Variants in RELN observed in about 807,000 individuals in gnomAD.
RELN encodes reelin.
Under a neutral mutation model 427.6 loss-of-function variants are expected in RELN, and 108 were observed. That is an observed-to-expected ratio of 0.25 (90% CI 0.22 to 0.30). The LOEUF (loss-of-function observed/expected upper bound fraction) is 0.30. RELN is among the 10% of genes least tolerant of loss of function. The pLI is 1.00. For missense variants in RELN, 3,715 were observed against 4,302.8 expected, an observed-to-expected ratio of 0.86 and a Z score of 3.82; for synonymous variants, 1,524 against 1,513.4, an observed-to-expected ratio of 1.01 and a Z score of -0.16.
At chr7:103,978,046 A>G (rs913895036) in intron 1 of RELN, among the ~76,000 whole-genome samples, 1 of 152,192 alleles carries the variant, frequency 6.6e-6, no homozygotes, top group Non-Finnish European at 1.5e-5. Context: ...TTTTTACCCA[A>G]TGAAAACATC....
At chr7:103,891,108 A>G (rs553543402) in intron 2 of RELN, among the ~76,000 whole-genome samples, 2 of 152,196 alleles carry the variant, frequency 1.3e-5, no homozygotes, top group East Asian at 3.9e-4. Context: ...ACAAAAAACA[A>G]AAAGAAAGTG....
At chr7:103,597,473 C>T (rs1419587292) in intron 24 of RELN, among the ~76,000 whole-genome samples, 2 of 152,120 alleles carry the variant, frequency 1.3e-5, no homozygotes, top group Admixed American at 1.3e-4. Flanking sequence ...TATGGTGGCA[C>T]ACACCTGTAA....
chr7:103,781,356 T>C (rs1382552636), intron 3 of RELN, among the ~76,000 whole-genome samples: 1 of 152,138 alleles, frequency 6.6e-6, no homozygotes, highest in Non-Finnish European at 1.5e-5. Context: ...TATATAAATA[T>C]ATATTATATA....
chr7:103,917,129 A>T lies in RELN; in HGVS notation c.283T>A (p.Ser95Thr). 6.2e-7 allele frequency: 1 copy of T among 1,613,600 alleles called. No homozygotes were observed. The highest frequency in any genetic ancestry group is 8.5e-7 in the Non-Finnish European group (1 of 1,179,712). ...CTCTGTGATGCCTGAACACTTGTAG[A>T]TGTGTATAGTCCTGTCACCAGCAAG... Reference protein sequence around the residue: ...DGLLVTGLYTSTSVQASQSIG... With the variant: ...DGLLVTGLYTTTSVQASQSIG... Residue 95 changes from serine (S) to threonine (T), a missense_variant, in exon 2 of 65, where the codon TCT becomes ACT. Ser to Thr is a moderately conservative substitution (Grantham distance 58). This residue lies in a region of RELN where 2,208 missense variants were observed against 2,361.7 expected (regional missense o/e 0.93). Coordinates refer to ENST00000428762, the MANE Select transcript of RELN (RefSeq NM_005045.4).
intron 24 of RELN, among the ~76,000 whole-genome samples, chr7:103,598,516 A>C (rs1831591916): frequency 6.6e-6 from 1 of 152,198 alleles, no homozygotes; most frequent in Admixed American, 6.5e-5. Context: ...CCAGAAGGAT[A>C]AAGATCTAAG....
intron 49 of RELN, among the ~76,000 whole-genome samples, chr7:103,518,697 C>T (rs1044881949): frequency 9.9e-5 from 15 of 151,586 alleles, no homozygotes; most frequent in African/African-American, 3.6e-4. Flanking sequence ...TGGACCCTGC[C>T]TTTCTCTCTC....
intron 2 of RELN, among the ~76,000 whole-genome samples, chr7:103,878,754 T>C (rs1794541502): frequency 1.3e-5 from 2 of 152,240 alleles, no homozygotes; most frequent in East Asian, 1.9e-4. Flanking sequence ...ATTTATTTCC[T>C]TGTCTTCAAG....
intron 3 of RELN, among the ~76,000 whole-genome samples, chr7:103,826,474 A>C (rs1052252891): frequency 6.6e-6 from 1 of 152,070 alleles, no homozygotes; most frequent in Non-Finnish European, 1.5e-5. Flanking sequence ...TAAGGCCTTA[A>C]TATACAGAGA....
Position 103,986,031 on chromosome 7 carries a change from A to G in RELN, c.226+3100T>C, listed in dbSNP as rs141161811. Among the ~76,000 whole-genome samples, 4 of 152,264 alleles carry G rather than the reference A, an allele frequency of 2.6e-5. 1 individual carries two copies. In the East Asian group the frequency reaches 7.7e-4, roughly 29 times the overall value. On this transcript the variant is annotated intron_variant, in intron 1 of 64. Coordinates refer to ENST00000428762, the MANE Select transcript of RELN (RefSeq NM_005045.4). ...GAAACGCACATTGCGGAAACTGACC[A>G]TGTCTTAGGATTTGTGCAAAAAAAA...
At chr7:103,850,440 C>A (rs1300979060) in intron 2 of RELN, among the ~76,000 whole-genome samples, 1 of 152,186 alleles carries the variant, frequency 6.6e-6, no homozygotes, top group Non-Finnish European at 1.5e-5. Context: ...AGCAGAAAAG[C>A]CCTGGGAGCT....
chr7:103,483,509 T>TG (rs1372609146), intron 62 of RELN, 144 bp downstream of exon 62: 1 of 845,042 alleles, frequency 1.2e-6, no homozygotes, highest in African/African-American at 1.7e-5. Context: ...TTTGGAGATC[T>TG]GGGTTAGTCT....
chr7:103,787,533 C>A (rs1792048723), intron 3 of RELN, among the ~76,000 whole-genome samples: 1 of 152,056 alleles, frequency 6.6e-6, no homozygotes, highest in African/African-American at 2.4e-5. Flanking sequence ...ATACAAACTA[C>A]CATCAGAGAA....
chr7:103,724,527 G>C (rs1278195757), intron 7 of RELN, among the ~76,000 whole-genome samples: 1 of 152,194 alleles, frequency 6.6e-6, no homozygotes. Flanking sequence ...AAGAGTCTTA[G>C]ATACTTATCC....
At chr7:103,892,592 T>C (rs1259313750) in intron 2 of RELN, among the ~76,000 whole-genome samples, 4 of 152,192 alleles carry the variant, frequency 2.6e-5, no homozygotes, top group African/African-American at 9.6e-5. Context: ...CTGTTCAGAT[T>C]TATTTTGGAG....
chr7:103,869,441 C>T (rs1794276043), intron 2 of RELN, among the ~76,000 whole-genome samples: 3 of 151,942 alleles, frequency 2.0e-5, no homozygotes, highest in Admixed American at 2.0e-4. Flanking sequence ...CCCTGTTGTA[C>T]AAATCTAATG....
chr7:103,483,623 A>T (rs1828318677), intron 62 of RELN, 30 bp downstream of exon 62: 1 of 1,604,002 alleles, frequency 6.2e-7, no homozygotes, highest in African/African-American at 1.3e-5. Context: ...ATTGTGCATG[A>T]GACCATGCCT....
intron 1 of RELN, among the ~76,000 whole-genome samples, chr7:103,920,566 G>GTTTTTTTTTTTTTTTTT (rs1563092030): frequency 8.7e-6 from 1 of 114,688 alleles, no homozygotes; most frequent in African/African-American, 4.6e-5. Flanking sequence ...ACCAGTCTTT[G>GTTTTTTTTTTTTTTTTT]GTTTTTTTTT....
chr7:103,986,930 CTGTGTGTGTGTGTG>C (rs68023932), intron 1 of RELN, among the ~76,000 whole-genome samples: 11,505 of 148,994 alleles, frequency 0.077, 1,000 homozygotes, highest in East Asian at 0.37. Flanking sequence ...CTAACAGAAG[CTGTGTGTGTGTGTG>C]TGTGTGTGTG....
rs184832852 is a variant in RELN, at chr7:103,474,543, A to G, written c.10287-1635T>C. Reference sequence around the variant, plus strand: ...TGATCAGTTTCAGTGTCACAGTTGAATGACCCAAATTTATCCATTTATTAG... The same window carrying G: ...TGATCAGTTTCAGTGTCACAGTTGAGTGACCCAAATTTATCCATTTATTAG... On this transcript the variant is annotated intron_variant, in intron 64 of 64. Coordinates refer to ENST00000428762, the MANE Select transcript of RELN (RefSeq NM_005045.4). 2.7e-3 allele frequency among the ~76,000 whole-genome samples: 415 copies of G among 152,292 alleles called. 2 individuals carry two copies. The highest frequency in any genetic ancestry group is 9.7e-3 in the African/African-American group (403 of 41,572).
Sources: gnomAD v4.1 joint callset for allele counts (sites outside exome capture counted in the v4.1 genomes callset) on GRCh38, gnomAD v4.1.1 for gene constraint, gnomAD v4.1.1 regional missense constraint, MANE v1.5 for transcripts, NCBI Gene and HGNC (gene_info 2026-07-23, HGNC 2026-07-21) for gene names.